Variants in WWOX observed in about 807,000 individuals in gnomAD.
The protein encoded by WWOX is WW domain containing oxidoreductase.
Under a neutral mutation model 46.2 loss-of-function variants are expected in WWOX, and 69 were observed. The observed-to-expected ratio is 1.49, with a 90% CI of 1.23 to 1.82. WWOX has a LOEUF of 1.82. Among genes scored for constraint, WWOX ranks in the 40% most tolerant of loss-of-function variants. The pLI, the probability that WWOX is intolerant of heterozygous loss-of-function variation, is 0.00. For missense variants in WWOX, 919 were observed against 542.6 expected (o/e 1.69, Z -6.89); for synonymous variants, 359 against 202.6 (o/e 1.77, Z -6.56).
chr16:78,980,092 C>T (rs1437150077), intron 8 of WWOX, among the ~76,000 whole-genome samples: 1 of 152,202 alleles, frequency 6.6e-6, no homozygotes, highest in East Asian at 1.9e-4. Context: ...TGCACCACTG[C>T]ACTGCAGCCT....
intron 5 of WWOX, among the ~76,000 whole-genome samples, chr16:78,200,491 G>A (rs1428068341): frequency 1.3e-5 from 2 of 149,644 alleles, no homozygotes; most frequent in Admixed American, 6.8e-5. Flanking sequence ...GGCTCACACT[G>A]GTCTTGTCCA....
At chr16:79,019,302 C>A (rs567372086) in intron 8 of WWOX, among the ~76,000 whole-genome samples, 2 of 151,176 alleles carry the variant, frequency 1.3e-5, no homozygotes, top group African/African-American at 4.9e-5. Context: ...ATGGAGTGCA[C>A]GTACACAAAC....
intron 8 of WWOX, among the ~76,000 whole-genome samples, chr16:78,962,777 G>A (rs905787352): frequency 6.6e-6 from 1 of 152,100 alleles, no homozygotes; most frequent in Non-Finnish European, 1.5e-5. Flanking sequence ...CACCTCAGAA[G>A]GCTCATCTGT....
chr16:78,755,613 C>A (rs2049624758), intron 8 of WWOX, among the ~76,000 whole-genome samples: 1 of 152,158 alleles, frequency 6.6e-6, no homozygotes, highest in African/African-American at 2.4e-5. Flanking sequence ...CACTGGGATT[C>A]CTGTGTGATT....
chr16:78,828,195 G>A (rs1233509653), intron 8 of WWOX, among the ~76,000 whole-genome samples: 1 of 152,154 alleles, frequency 6.6e-6, no homozygotes, highest in Non-Finnish European at 1.5e-5. Flanking sequence ...GGAGTTGGGG[G>A]CTGAGGACTT....
chr16:78,862,007 G>A (rs148117160), intron 8 of WWOX, among the ~76,000 whole-genome samples: 117 of 152,134 alleles, frequency 7.7e-4, no homozygotes, highest in African/African-American at 2.6e-3. Flanking sequence ...ATGTGTGTGT[G>A]TATCTATGTA....
At chr16:78,790,411 A>T (rs1334312982) in intron 8 of WWOX, among the ~76,000 whole-genome samples, 2 of 152,240 alleles carry the variant, frequency 1.3e-5, no homozygotes, top group African/African-American at 4.8e-5. Flanking sequence ...CTGGGATTAC[A>T]GGTGTGAGCC....
At chr16:78,635,160 C>T (rs1052398046) in intron 8 of WWOX, among the ~76,000 whole-genome samples, 3 of 152,182 alleles carry the variant, frequency 2.0e-5, no homozygotes, top group Admixed American at 6.5e-5. Context: ...TCTTGCCACT[C>T]AACATCTGCA....
chr16:79,104,583 C>T (rs911864262), intron 8 of WWOX, among the ~76,000 whole-genome samples: 21 of 152,190 alleles, frequency 1.4e-4, no homozygotes, highest in Admixed American at 8.5e-4. Context: ...TACAAAAATA[C>T]GCACGAATAT....
chr16:79,001,261 C>G (rs1170745963), intron 8 of WWOX, among the ~76,000 whole-genome samples: 1 of 152,132 alleles, frequency 6.6e-6, no homozygotes, highest in Non-Finnish European at 1.5e-5. Context: ...TCTCCCAAGA[C>G]AAAGGCCTCC....
intron 8 of WWOX, among the ~76,000 whole-genome samples, chr16:79,074,309 C>G (rs1040848490): frequency 6.6e-6 from 1 of 151,586 alleles, no homozygotes; most frequent in African/African-American, 2.4e-5. Context: ...CTGTCACCCC[C>G]ATTTCCCACA....
chr16:78,658,293 A>G (rs2047126637), intron 8 of WWOX, among the ~76,000 whole-genome samples: 1 of 152,236 alleles, frequency 6.6e-6, no homozygotes, highest in African/African-American at 2.4e-5. Flanking sequence ...AGAAAGTATT[A>G]ATAAGACCCA....
intron 8 of WWOX, among the ~76,000 whole-genome samples, chr16:78,829,278 A>G (rs1597684678): frequency 1.3e-5 from 2 of 152,352 alleles, no homozygotes; most frequent in East Asian, 3.9e-4. Flanking sequence ...AGAAGGGCCC[A>G]TGGTAGAAAC....
intron 8 of WWOX, among the ~76,000 whole-genome samples, chr16:78,823,773 G>C (rs964628337): frequency 2.4e-5 from 3 of 126,680 alleles, no homozygotes; most frequent in Non-Finnish European, 3.4e-5. Context: ...GAGCTTTCTA[G>C]ACTTGTTATT....
chr16:79,144,368 C>G (rs1391626535), intron 8 of WWOX, among the ~76,000 whole-genome samples: 1 of 152,138 alleles, frequency 6.6e-6, no homozygotes, highest in Non-Finnish European at 1.5e-5. Context: ...TTTTGGGGGA[C>G]CCAGGAGTTA....
At chr16:78,449,716 A>G (rs958009066) in intron 8 of WWOX, among the ~76,000 whole-genome samples, 35 of 152,218 alleles carry the variant, frequency 2.3e-4, no homozygotes, top group Admixed American at 1.3e-4. Context: ...GTCATTTAAT[A>G]AGAAAGCTTA....
chr16:78,362,667 G>A (rs1009524734), intron 5 of WWOX, among the ~76,000 whole-genome samples: 1 of 152,084 alleles, frequency 6.6e-6, no homozygotes, highest in Non-Finnish European at 1.5e-5. Context: ...TTGTAGGAGA[G>A]GCATTTATTT....
intron 8 of WWOX, among the ~76,000 whole-genome samples, chr16:78,908,886 G>A (rs1256586705): frequency 6.6e-6 from 1 of 152,220 alleles, no homozygotes; most frequent in East Asian, 1.9e-4. Flanking sequence ...ATCCCCTGGA[G>A]CAATTTGGGG....
intron 8 of WWOX, among the ~76,000 whole-genome samples, chr16:79,129,375 T>C (rs1392858870): frequency 1.3e-5 from 2 of 148,500 alleles, no homozygotes; most frequent in South Asian, 2.2e-4. Flanking sequence ...AAATTTGTTA[T>C]GATGCAGTCT....
Sources: gnomAD v4.1 joint callset for allele counts (sites outside exome capture counted in the v4.1 genomes callset) on GRCh38, gnomAD v4.1.1 for gene constraint, MANE v1.5 for transcripts, NCBI Gene and HGNC (gene_info 2026-07-23, HGNC 2026-07-21) for gene names.